Variants in ASAP1 observed in about 807,000 individuals in gnomAD.
ASAP1 encodes the protein arf-GAP with SH3 domain, ANK repeat and PH domain-containing protein 1.
ASAP1 carries 43 observed loss-of-function variants against 145.2 expected under a neutral mutation model. That is an observed-to-expected ratio of 0.30 (90% CI 0.23 to 0.38). The LOEUF (loss-of-function observed/expected upper bound fraction) is 0.38. Among genes scored for constraint, ASAP1 ranks in the 10% least tolerant of loss-of-function variants. The pLI, the probability that ASAP1 is intolerant of heterozygous loss-of-function variation, is 1.00. For missense variants in ASAP1, 1,018 were observed against 1,355.3 expected (o/e 0.75, Z 3.91); for synonymous variants, 546 against 515.5 (o/e 1.06, Z -0.80).
At chr8:130,276,773 A>C (rs1820935613) in intron 3 of ASAP1, among the ~76,000 whole-genome samples, 1 of 135,046 alleles carries the variant, frequency 7.4e-6, no homozygotes, top group African/African-American at 2.7e-5. Flanking sequence ...TCTAACAAAA[A>C]AGCTCCATGG....
At chr8:130,371,445 C>A (rs1006764984) in intron 2 of ASAP1, among the ~76,000 whole-genome samples, 86 of 152,314 alleles carry the variant, frequency 5.6e-4, no homozygotes, top group African/African-American at 1.9e-3. Flanking sequence ...AACAGAGCCC[C>A]AGTTTGATTC....
At chr8:130,344,056 A>G (rs1372427380) in intron 3 of ASAP1, among the ~76,000 whole-genome samples, 1 of 152,218 alleles carries the variant, frequency 6.6e-6, no homozygotes, top group Non-Finnish European at 1.5e-5. Context: ...ATTAATAACA[A>G]AAGTCTGTTA....
At chr8:130,417,974 C>T (rs767774378) in intron 1 of ASAP1, among the ~76,000 whole-genome samples, 22 of 152,170 alleles carry the variant, frequency 1.4e-4, no homozygotes, top group Admixed American at 2.0e-4. Context: ...ACTGGACTAG[C>T]CAGGTATTGC....
At chr8:130,140,203 TA>T (rs2097607060) in intron 13 of ASAP1, among the ~76,000 whole-genome samples, 1 of 151,780 alleles carries the variant, frequency 6.6e-6, no homozygotes, top group East Asian at 1.9e-4. Context: ...TGGTTATTAC[TA>T]TTTTTTTTTG....
intron 9 of ASAP1, among the ~76,000 whole-genome samples, chr8:130,178,727 T>C (rs2136157324): frequency 6.6e-6 from 1 of 151,352 alleles, no homozygotes; most frequent in Non-Finnish European, 1.5e-5. Flanking sequence ...CTACTAACAA[T>C]ACAAAAAAAA....
intron 27 of ASAP1, among the ~76,000 whole-genome samples, chr8:130,072,232 T>C (rs1367621052): frequency 6.6e-6 from 1 of 152,196 alleles, no homozygotes; most frequent in Non-Finnish European, 1.5e-5. Flanking sequence ...CTGCACCTGA[T>C]ATAGCTTGGC....
At chr8:130,173,183 G>C (rs1813701993) in intron 9 of ASAP1, among the ~76,000 whole-genome samples, 1 of 152,206 alleles carries the variant, frequency 6.6e-6, no homozygotes, top group Non-Finnish European at 1.5e-5. Context: ...CCAAGTTCTA[G>C]TTTTGGTAAG....
At chr8:130,237,993 C>T (rs755960272) in intron 3 of ASAP1, among the ~76,000 whole-genome samples, 4 of 152,124 alleles carry the variant, frequency 2.6e-5, no homozygotes, top group Non-Finnish European at 4.4e-5. Context: ...TGTACACTCA[C>T]ATCCATTACA....
At chr8:130,124,519 T>G (rs566385556) in intron 17 of ASAP1, among the ~76,000 whole-genome samples, 1 of 152,372 alleles carries the variant, frequency 6.6e-6, no homozygotes, top group East Asian at 1.9e-4. Context: ...ACCACCATCA[T>G]GTTTCCTTTT....
intron 13 of ASAP1, among the ~76,000 whole-genome samples, chr8:130,146,023 T>G (rs1334922371): frequency 6.6e-6 from 1 of 150,864 alleles, no homozygotes; most frequent in African/African-American, 2.4e-5. Context: ...TGTGTTTTTT[T>G]TTTTTTTTTT....
At chr8:130,297,907 C>G (rs1343225626) in intron 3 of ASAP1, among the ~76,000 whole-genome samples, 1 of 152,164 alleles carries the variant, frequency 6.6e-6, no homozygotes, top group Admixed American at 6.5e-5. Context: ...AAGTGACATG[C>G]TCTTGTAGCT....
chr8:130,138,573 A>C (rs1165173439), intron 13 of ASAP1, among the ~76,000 whole-genome samples: 2 of 152,184 alleles, frequency 1.3e-5, no homozygotes, highest in Non-Finnish European at 2.9e-5. Flanking sequence ...GAGGTGGCTC[A>C]TGCCTGTAAT....
At chr8:130,155,201 A>G (rs570486345) in intron 12 of ASAP1, among the ~76,000 whole-genome samples, 69 of 152,212 alleles carry the variant, frequency 4.5e-4, no homozygotes, top group Admixed American at 9.2e-4. Context: ...ATACACACAC[A>G]CGCGCGCACA....
chr8:130,335,314 C>T (rs1200179608), intron 3 of ASAP1, among the ~76,000 whole-genome samples: 4 of 152,148 alleles, frequency 2.6e-5, no homozygotes, highest in Non-Finnish European at 1.5e-5. Flanking sequence ...GTAATCCTCA[C>T]TGTCATTCAA....
chr8:130,244,633 G>C (rs1424297247), intron 3 of ASAP1, among the ~76,000 whole-genome samples: 5 of 152,164 alleles, frequency 3.3e-5, no homozygotes, highest in Non-Finnish European at 7.3e-5. Context: ...TAAAGATACA[G>C]AAGCGAGTGA....
chr8:130,271,602 C>A (rs1292269214), intron 3 of ASAP1, among the ~76,000 whole-genome samples: 4 of 152,174 alleles, frequency 2.6e-5, no homozygotes, highest in Non-Finnish European at 5.9e-5. Flanking sequence ...ATTTCTTGGT[C>A]TTTTGTTTTT....
intron 9 of ASAP1, among the ~76,000 whole-genome samples, chr8:130,170,247 C>T (rs919835973): frequency 2.6e-5 from 4 of 151,808 alleles, no homozygotes; most frequent in African/African-American, 7.3e-5. Flanking sequence ...AGTGCAGCGG[C>T]GTGATCTCAG....
Position 130,152,816 on chromosome 8 carries a change from A to G in ASAP1, c.1011-11T>C, listed in dbSNP as rs1279154508. 3 of 1,599,850 alleles carry G rather than the reference A, an allele frequency of 1.9e-6. No individual in the cohort carries two copies. Among genetic ancestry groups the G allele is most frequent in the Non-Finnish European group, 1.7e-6 (2 of 1,168,948 alleles). Reference sequence around the variant, plus strand: ...CATACTTTCCGGATCCTAAGGAGGAAGTCAAACACAACTAGATATAGTAAC... The same window carrying G: ...CATACTTTCCGGATCCTAAGGAGGAGGTCAAACACAACTAGATATAGTAAC... On this transcript the variant is annotated splice_polypyrimidine_tract_variant and intron_variant, in intron 12 of 29. Transcript: ENST00000518721.
At chr8:130,422,684 A>G (rs1317141425) in intron 1 of ASAP1, among the ~76,000 whole-genome samples, 1 of 152,216 alleles carries the variant, frequency 6.6e-6, no homozygotes, top group Non-Finnish European at 1.5e-5. Context: ...ATTAACAATC[A>G]TCTTGACAAA....
Sources: allele counts gnomAD v4.1 joint callset (sites outside exome capture counted in the v4.1 genomes callset), GRCh38; gene constraint gnomAD v4.1.1; transcripts MANE v1.5; gene names NCBI Gene and HGNC (gene_info 2026-07-23, HGNC 2026-07-21).